Variants in PDIA6 observed in about 807,000 individuals in gnomAD.
PDIA6 encodes protein disulfide isomerase family A member 6.
A neutral mutation model predicts 58.4 loss-of-function variants in PDIA6; 29 were observed. The observed-to-expected ratio is 0.50, with a 90% CI of 0.37 to 0.68. The LOEUF (loss-of-function observed/expected upper bound fraction) is 0.68. Ranked by LOEUF, PDIA6 falls within the 30% of genes least tolerant of loss-of-function variation. The pLI is 0.00. For synonymous variants in PDIA6, 192 were observed against 202.6 expected (o/e 0.95, Z 0.44); for missense variants, 480 against 551.0 (o/e 0.87, Z 1.29).
In PDIA6 at chr2:10,832,016, CA is replaced by C. The variant is rs59417410; in HGVS notation, c.-48+185del. On this transcript the variant is annotated intron_variant, in intron 1 of 13. Transcript: ENST00000381611. ...TGGGTGACAGAGCAAGACCCTGTCTCAAAAAAAAAAAAAAAAAAAAAGAGGA... is the reference window on the plus strand; with the variant it reads ...TGGGTGACAGAGCAAGACCCTGTCTCAAAAAAAAAAAAAAAAAAAAGAGGA... 6.5e-3 allele frequency among the ~76,000 whole-genome samples: 526 copies of C among 81,334 alleles called. 11 individuals carry two copies. The highest frequency in any genetic ancestry group is 0.048 in the Admixed American group (285 of 5,960). 53.4% of individuals were successfully genotyped at this position (81,334 alleles called of 152,430 possible). A position where few individuals can be genotyped will look rare whatever the true frequency, so the allele number is the denominator to read the frequency against.
intron 2 of PDIA6, among the ~76,000 whole-genome samples, chr2:10,801,581 A>G (rs1485810629): frequency 2.0e-5 from 3 of 152,216 alleles, no homozygotes; most frequent in African/African-American, 7.2e-5. Context: ...GACTGAACAC[A>G]TATATACCAG....
chr2:10,796,288 C>T (rs1388009553), intron 4 of PDIA6, among the ~76,000 whole-genome samples: 2 of 152,036 alleles, frequency 1.3e-5, no homozygotes, highest in African/African-American at 4.8e-5. Context: ...CTCCTGACCT[C>T]GTGATCCGCC....
rs549890568 is a variant in PDIA6, at chr2:10,784,999, G to A, written c.1189C>T (p.Pro397Ser). 3.2e-6 allele frequency: 5 copies of A among 1,585,574 alleles called. No homozygotes were observed. Among genetic ancestry groups the A allele is most frequent in the East Asian group, 4.6e-5 (2 of 43,742 alleles). The change falls in exon 12 of 13, where the codon CCT (proline) becomes TCT (serine). Residue 397 changes from proline to serine, a missense_variant. Transcript: ENST00000272227. ...ELSFGRGSTA[P>S]VGGGAFPTIV... ...GTAGGGAAAGCCCCGCCTCCTACAGGTGCCGTGGAGCCACGCCCAAAAGAG... is the reference window on the plus strand; with the variant it reads ...GTAGGGAAAGCCCCGCCTCCTACAGATGCCGTGGAGCCACGCCCAAAAGAG...
intron 1 of PDIA6, among the ~76,000 whole-genome samples, chr2:10,803,160 A>C (rs1004562988): frequency 6.6e-6 from 1 of 152,132 alleles, no homozygotes; most frequent in Non-Finnish European, 1.5e-5. Flanking sequence ...ATGGTAATTT[A>C]TTTATTTATA....
chr2:10,802,006 T>A (rs1666530038), intron 2 of PDIA6, among the ~76,000 whole-genome samples: 1 of 152,222 alleles, frequency 6.6e-6, no homozygotes, highest in African/African-American at 2.4e-5. Context: ...CACTCTTCTA[T>A]TTGGTGTTTT....
intron 2 of PDIA6, among the ~76,000 whole-genome samples, chr2:10,799,125 A>C: frequency 6.6e-6 from 1 of 152,188 alleles, no homozygotes; most frequent in East Asian, 1.9e-4. Context: ...AACACAGAAA[A>C]GCGCTTTTAA....
intron 1 of PDIA6, among the ~76,000 whole-genome samples, chr2:10,831,044 G>A (rs564649484): frequency 3.1e-4 from 47 of 152,348 alleles, no homozygotes; most frequent in African/African-American, 1.1e-3. Flanking sequence ...GCCCTTGTGG[G>A]AGCGCAGCGG....
upstream of PDIA6, among the ~76,000 whole-genome samples, chr2:10,814,428 G>T (rs561056247): frequency 5.4e-4 from 82 of 152,340 alleles, no homozygotes; most frequent in African/African-American, 1.9e-3. Context: ...AGCCCAACCG[G>T]TGATCGCAGG....
intron 1 of PDIA6, among the ~76,000 whole-genome samples, chr2:10,803,392 G>T (rs879477020): frequency 6.6e-5 from 10 of 152,310 alleles, no homozygotes; most frequent in Non-Finnish European, 1.5e-4. Context: ...CCTGACCTCA[G>T]GTGATCCGCC....
chr2:10,784,826 C>T (rs1665627592), intron 12 of PDIA6, 108 bp downstream of exon 12: 1 of 775,400 alleles, frequency 1.3e-6, no homozygotes, highest in Admixed American at 2.5e-5. Context: ...ACGGGTGCAC[C>T]AGGGCTGAGG....
chr2:10,797,434 G>C (rs908631509), intron 3 of PDIA6, among the ~76,000 whole-genome samples: 2 of 152,292 alleles, frequency 1.3e-5, no homozygotes, highest in African/African-American at 4.8e-5. Flanking sequence ...GAATTGGCAG[G>C]GCTGAGAGTA....
intron 2 of PDIA6, 144 bp downstream of exon 2, chr2:10,802,355 C>G: frequency 2.2e-6 from 1 of 448,284 alleles, no homozygotes; most frequent in Non-Finnish European, 3.8e-6. Flanking sequence ...AGATACTTTG[C>G]ATTTCCCATT....
At chr2:10,832,511 GGGGGCGCTCTGCCCTT>G, upstream of PDIA6, 3 of 861,384 alleles carry the variant, frequency 3.5e-6, no homozygotes, top group Non-Finnish European at 4.2e-6. Flanking sequence ...GTGACCGCAA[GGGGGCGCTCTGCCCTT>G]GCTCTGCGCA....
intron 8 of PDIA6, among the ~76,000 whole-genome samples, chr2:10,789,402 T>C (rs1023174857): frequency 3.0e-5 from 4 of 133,458 alleles, no homozygotes; most frequent in African/African-American, 1.0e-4. Flanking sequence ...ATGTGAGAAT[T>C]AAATGAAAAC....
At chr2:10,785,225 T>G (rs1336705471) in intron 11 of PDIA6, 195 bp from the exon 12 acceptor site, 1 of 535,508 alleles carries the variant, frequency 1.9e-6, no homozygotes, top group Admixed American at 3.5e-5. Flanking sequence ...ACAACCAGAT[T>G]CAACATTCCC....
chr2:10,834,734 CCTTCCTTCCTTCCTT>C (rs1558468774), upstream of PDIA6, among the ~76,000 whole-genome samples: 844 of 57,922 alleles, frequency 0.015, 28 homozygotes, highest in African/African-American at 0.059. Context: ...TTCCTTCCCT[CCTTCCTTCCTTCCTT>C]CCTTCCTTCC....
chr2:10,820,627 C>T, intron 1 of PDIA6: 1 of 574,582 alleles, frequency 1.7e-6, no homozygotes, highest in South Asian at 2.1e-5. Context: ...AAAATAATTT[C>T]TTGAGCTGTT....
In PDIA6 at chr2:10,827,812, C is replaced by T. The variant is rs557399405; in HGVS notation, c.-48+4390G>A. 2.2e-4 allele frequency among the ~76,000 whole-genome samples: 30 copies of T among 135,996 alleles called. 1 individual carries two copies. The South Asian group carries it at 6.3e-3, about 29-fold the overall frequency. The allele number at this position is 135,996 out of a possible 152,430, so 89.2% of individuals were successfully genotyped here. A position where few individuals can be genotyped will look rare whatever the true frequency, so the allele number is the denominator to read the frequency against. The stretch of plus-strand genomic sequence containing the variant: ...GCACTCCAGCCTGGGTGACAGAGTA[C>T]GACTCTGTCTCAAAAAAAAAAAAAT... On this transcript the variant is annotated intron_variant, in intron 1 of 13. Coordinates refer to the PDIA6 transcript ENST00000381611.
intron 1 of PDIA6, among the ~76,000 whole-genome samples, chr2:10,819,682 A>T (rs1287305317): frequency 6.6e-6 from 1 of 152,170 alleles, no homozygotes. Context: ...TAACTTCATC[A>T]TTTCCAAGGA....
Sources: allele counts gnomAD v4.1 joint callset (sites outside exome capture counted in the v4.1 genomes callset), GRCh38; gene constraint gnomAD v4.1.1; transcripts MANE v1.5; gene names NCBI Gene and HGNC (gene_info 2026-07-23, HGNC 2026-07-21).